The following RPS6KA6 variants were observed in gnomAD, a reference collection of about 807,000 sequenced individuals.
The protein encoded by RPS6KA6 is ribosomal protein S6 kinase A6, also known as ribosomal protein S6 kinase alpha-6.
In RPS6KA6, 27 loss-of-function variants were observed where a neutral mutation model predicts 65.4. The observed-to-expected ratio is 0.41, with a 90% confidence interval of 0.30 to 0.57. The LOEUF (loss-of-function observed/expected upper bound fraction) is 0.57. Ranked by LOEUF, RPS6KA6 falls within the 20% of genes least tolerant of loss-of-function variation. The pLI, the probability that RPS6KA6 is intolerant of heterozygous loss-of-function variation, is 0.24. For missense variants in RPS6KA6, 486 were observed against 555.6 expected (o/e 0.87, Z 1.26); for synonymous variants, 190 against 184.2 (o/e 1.03, Z -0.26).
chrX:84,060,204 A>G lies in RPS6KA6; in HGVS notation c.*4073T>C, dbSNP rs570907258. 6 of 111,711 alleles carry G rather than the reference A, an allele frequency of 5.4e-5. No individual in the cohort carries two copies. In the South Asian group the frequency reaches 2.2e-3, roughly 41 times the overall value. The allele number at this position is 111,711 out of a possible 1,213,427, so 9.2% of individuals were successfully genotyped here. ...ACTATTGATTTATTCTGCTAATTTC[A>G]ACAATCATTGATCTTGAGGTACATG... On this transcript the variant is annotated 3_prime_UTR_variant, in exon 22 of 22. Transcript: ENST00000262752.
At chrX:84,168,451 C>T (rs916101209) in intron 1 of RPS6KA6, among the ~76,000 whole-genome samples, 1 of 111,382 alleles carries the variant, frequency 9.0e-6, no homozygotes. Flanking sequence ...TTTCCCATTT[C>T]ATTAAATGAT....
chrX:84,144,875 T>C (rs1025468322), intron 6 of RPS6KA6, among the ~76,000 whole-genome samples: 2 of 110,640 alleles, frequency 1.8e-5, no homozygotes, highest in African/African-American at 6.6e-5. Context: ...ACATACAACA[T>C]AGATGAATCT....
At chrX:84,094,041 C>T (rs867555982) in intron 20 of RPS6KA6, among the ~76,000 whole-genome samples, 1 of 109,959 alleles carries the variant, frequency 9.1e-6, no homozygotes, top group Non-Finnish European at 1.9e-5. Flanking sequence ...TTTTCTTTTT[C>T]TGTTTGTTTG....
chrX:84,092,488 G>A (rs760387945), intron 20 of RPS6KA6, among the ~76,000 whole-genome samples: 46 of 109,747 alleles, frequency 4.2e-4, no homozygotes, highest in African/African-American at 1.4e-3. Flanking sequence ...TGGGTGTGGT[G>A]GCACCTGCCT....
chrX:84,184,174 T>G (rs1378207574), intron 1 of RPS6KA6, among the ~76,000 whole-genome samples: 1 of 112,644 alleles, frequency 8.9e-6, no homozygotes, highest in African/African-American at 3.2e-5. Context: ...ACCCTATCTG[T>G]GATTACAAAC....
rs199738662 is a variant in RPS6KA6 at position 84,144,350 on chromosome X, T to TAA, written c.501+1126_501+1127dup. Among the ~76,000 whole-genome samples, 7 of 106,664 alleles carry TAA rather than the reference T, an allele frequency of 6.6e-5. No individual in the cohort carries two copies. In the South Asian group the frequency reaches 1.2e-3, roughly 19 times the overall value. 92.6% of individuals were successfully genotyped at this position (106,664 alleles called of 115,157 possible). On this transcript the variant is annotated intron_variant, in intron 6 of 21. Transcript: ENST00000262752. ...CTCAATAAGAAAACAAACAATCCAATAAAAAAAAACAGGCTAAAAATTTAA... is the reference window on the plus strand; with the variant it reads ...CTCAATAAGAAAACAAACAATCCAATAAAAAAAAAAACAGGCTAAAAATTTAA...
rs112718501 is a variant in RPS6KA6 at position 84,107,703 on chromosome X, T to A, written c.1031A>T (p.Gln344Leu). ...DWDKLYKREV[Q>L]PPFKPASGKP... ...TCCAGAAGCAGGTTTGAAAGGAGGT[T>A]GAACTTCTCTTTTATATAATTTCTA... The change falls in exon 13 of 22, where the codon CAA (glutamine) becomes CTA (leucine). Residue 344 changes from glutamine to leucine, a missense_variant. Around this residue, in one of 3 missense-constraint regions of RPS6KA6, gnomAD observed 345 missense variants for 375.0 expected, o/e 0.92. Coordinates refer to ENST00000262752, the MANE Select transcript of RPS6KA6 (RefSeq NM_014496.5). The A allele has an allele frequency of 8.5e-7, 1 of 1,172,970 alleles. No homozygotes were observed.
intron 2 of RPS6KA6, among the ~76,000 whole-genome samples, chrX:84,163,448 G>A (rs1410008412): frequency 1.9e-5 from 2 of 106,325 alleles, no homozygotes; most frequent in African/African-American, 6.9e-5. Flanking sequence ...GACCATCCTG[G>A]CTAACAAGGT....
At chrX:84,069,653 G>A (rs2033488549) in intron 20 of RPS6KA6, among the ~76,000 whole-genome samples, 1 of 111,682 alleles carries the variant, frequency 9.0e-6, no homozygotes, top group African/African-American at 3.3e-5. Flanking sequence ...GAAAATTTTT[G>A]CAATCTATCC....
chrX:84,077,660 A>G (rs1296239234), intron 20 of RPS6KA6, among the ~76,000 whole-genome samples: 1 of 112,137 alleles, frequency 8.9e-6, no homozygotes, highest in African/African-American at 3.2e-5. Flanking sequence ...CTTCTAAAAG[A>G]AAACACAGGG....
chrX:84,113,274 A>C (rs2034500724), intron 12 of RPS6KA6, among the ~76,000 whole-genome samples: 1 of 111,622 alleles, frequency 9.0e-6, no homozygotes, highest in African/African-American at 3.3e-5. Flanking sequence ...AACTGTTCCC[A>C]AAAATTGAGG....
Position 84,064,992 on chromosome X carries a change from A to G in RPS6KA6, c.2091T>C (p.Asn697=). 1 of 1,207,938 alleles carries G rather than the reference A, an allele frequency of 8.3e-7. No homozygotes were observed. Among genetic ancestry groups the G allele is most frequent in the Non-Finnish European group, 1.1e-6 (1 of 892,800 alleles). Residue 697 remains asparagine (N), a synonymous_variant, in exon 21 of 22, where the codon AAT becomes AAC. Transcript: ENST00000262752. ...TTACCTTAACAACATGTGACACATCATTTCTCTTTGGCTGATCATTTGGCA... is the reference window on the plus strand; with the variant it reads ...TTACCTTAACAACATGTGACACATCGTTTCTCTTTGGCTGATCATTTGGCA... ...DQLPNDQPKR[N]DVSHVVKGAM...
intron 20 of RPS6KA6, among the ~76,000 whole-genome samples, chrX:84,069,020 A>G (rs2033469472): frequency 8.9e-6 from 1 of 112,166 alleles, no homozygotes; most frequent in Non-Finnish European, 1.9e-5. Flanking sequence ...TGTTATCCCC[A>G]TCAAGCTACC....
chrX:84,171,836 C>T (rs1034927780), intron 1 of RPS6KA6, among the ~76,000 whole-genome samples: 4 of 110,665 alleles, frequency 3.6e-5, no homozygotes, highest in East Asian at 2.9e-4. Flanking sequence ...GCCCTTTTCC[C>T]GCCAACCCCC....
chrX:84,112,507 T>C (rs896436779), intron 12 of RPS6KA6, among the ~76,000 whole-genome samples: 5 of 111,599 alleles, frequency 4.5e-5, no homozygotes, highest in Admixed American at 9.5e-5. Flanking sequence ...TAGAAATCAA[T>C]ACCAAGGGGA....
At chrX:84,148,615 C>T (rs1441292588) in intron 3 of RPS6KA6, among the ~76,000 whole-genome samples, 1 of 111,246 alleles carries the variant, frequency 9.0e-6, no homozygotes, top group African/African-American at 3.3e-5. Flanking sequence ...TAATGAAAGA[C>T]AAACTTGAGC....
At chrX:84,134,445 TAGGGAAGGTGG>T (rs751979459) in intron 8 of RPS6KA6, among the ~76,000 whole-genome samples, 1 of 111,190 alleles carries the variant, frequency 9.0e-6, no homozygotes, top group Admixed American at 9.6e-5. Context: ...TGCCAGGAGT[TAGGGAAGGTGG>T]AGGGAAGGTT....
chrX:84,170,750 A>G (rs2035670962), intron 1 of RPS6KA6, among the ~76,000 whole-genome samples: 1 of 111,810 alleles, frequency 8.9e-6, no homozygotes, highest in Non-Finnish European at 1.9e-5. Flanking sequence ...ACTCTAAGAT[A>G]GGCCCCCATG....
At chrX:84,153,135 C>T (rs6616907) in intron 3 of RPS6KA6, among the ~76,000 whole-genome samples, 6,883 of 111,442 alleles carry the variant, frequency 0.062, 230 homozygotes, top group East Asian at 0.21. Flanking sequence ...AAGATGTAAG[C>T]ATATGTTTTT....
Sources: gnomAD v4.1 joint callset for allele counts (sites outside exome capture counted in the v4.1 genomes callset) on GRCh38, gnomAD v4.1.1 for gene constraint, gnomAD v4.1.1 regional missense constraint, MANE v1.5 for transcripts, NCBI Gene and HGNC (gene_info 2026-07-23, HGNC 2026-07-21) for gene names.